SNX24: variants seen among roughly 807,000 people sequenced by gnomAD.
SNX24 encodes the protein sorting nexin 24, also known as sorting nexin-24.
A neutral mutation model predicts 28.7 loss-of-function variants in SNX24; 22 were observed. The ratio of observed to expected loss-of-function variants is 0.77; its 90% CI spans 0.55 to 1.10. The LOEUF (loss-of-function observed/expected upper bound fraction) is 1.10. Among genes scored for constraint, SNX24 ranks in the 50% least tolerant of loss-of-function variants. The pLI is 0.00. For missense variants in SNX24, 221 were observed against 201.1 expected (o/e 1.10, Z -0.60); for synonymous variants, 69 against 71.5 (o/e 0.96, Z 0.18).
chr5:122,956,119 G>T (rs542598935), intron 3 of SNX24, among the ~76,000 whole-genome samples: 1 of 151,632 alleles, frequency 6.6e-6, no homozygotes, highest in Non-Finnish European at 1.5e-5. Context: ...CCAAGTCTGC[G>T]ATATATAAGG....
Position 122,906,732 on chromosome 5 carries a change from C to T in SNX24, c.61-30002C>T, listed in dbSNP as rs553187822. ...CATGTTGGCCAGGCTGGTCTTGAAC[C>T]CCTGACCTCAGGTGATCCGCCCGCC... On this transcript the variant is annotated intron_variant, in intron 1 of 6. Transcript: ENST00000261369. Among the ~76,000 whole-genome samples the T allele has an allele frequency of 4.5e-3, 687 of 152,176 alleles. 5 individuals are homozygous for T. The highest frequency in any genetic ancestry group is 0.015 in the African/African-American group (633 of 41,528).
At chr5:122,932,858 C>CAAAAAAAAAAAAAAAAAAA (rs57930558) in intron 1 of SNX24, among the ~76,000 whole-genome samples, 5 of 88,012 alleles carry the variant, frequency 5.7e-5, no homozygotes, top group Non-Finnish European at 6.5e-5. Flanking sequence ...GACTCTGTCT[C>CAAAAAAAAAAAAAAAAAAA]AAAAAAAAAA....
chr5:122,886,034 C>T (rs890709247), intron 1 of SNX24, among the ~76,000 whole-genome samples: 2 of 152,064 alleles, frequency 1.3e-5, no homozygotes, highest in Admixed American at 1.3e-4. Flanking sequence ...TCCCCGCGGC[C>T]CAGGGGTTGA....
At chr5:122,984,774 T>TA (rs1322562536) in intron 3 of SNX24, among the ~76,000 whole-genome samples, 1 of 152,202 alleles carries the variant, frequency 6.6e-6, no homozygotes, top group Non-Finnish European at 1.5e-5. Context: ...GTGGACTGTG[T>TA]AAAAAAAGTC....
chr5:122,985,801 C>G (rs1032405353), intron 3 of SNX24, among the ~76,000 whole-genome samples: 1 of 152,192 alleles, frequency 6.6e-6, no homozygotes, highest in Non-Finnish European at 1.5e-5. Context: ...CGCTTTCTCA[C>G]TATTTAACCT....
intron 3 of SNX24, among the ~76,000 whole-genome samples, chr5:122,969,905 C>T (rs1760884175): frequency 6.6e-6 from 1 of 152,026 alleles, no homozygotes; most frequent in South Asian, 2.1e-4. Context: ...CACCCACCTA[C>T]CCCTATTCAA....
chr5:122,963,476 A>G (rs900625252), intron 3 of SNX24, among the ~76,000 whole-genome samples: 2 of 152,190 alleles, frequency 1.3e-5, no homozygotes, highest in Non-Finnish European at 2.9e-5. Context: ...TAAAAGGTAG[A>G]TGGTTTTATC....
intron 1 of SNX24, among the ~76,000 whole-genome samples, chr5:122,900,471 A>G (rs1217222858): frequency 1.3e-5 from 2 of 152,186 alleles, no homozygotes; most frequent in Non-Finnish European, 2.9e-5. Flanking sequence ...TGTGGTATAG[A>G]AAACATAACT....
intron 5 of SNX24, chr5:123,023,807 A>ACACACAC (rs1554081579): frequency 3.1e-6 from 4 of 1,294,872 alleles, no homozygotes; most frequent in Admixed American, 2.6e-5. Context: ...AAGACAACAC[A>ACACACAC]ACACACACAC....
rs375826177 is a variant in SNX24 at position 122,944,980 on chromosome 5, A to G, written c.145-1075A>G. On this transcript the variant is annotated intron_variant, in intron 2 of 6. Transcript: ENST00000261369. Reference sequence around the variant, plus strand: ...TAGTTTCCTATTGCTGCTATAACAAATTACCATAAATGTAGTGGCTTAAAA... The same window carrying G: ...TAGTTTCCTATTGCTGCTATAACAAGTTACCATAAATGTAGTGGCTTAAAA... 6.6e-5 allele frequency among the ~76,000 whole-genome samples: 10 copies of G among 152,308 alleles called. No homozygotes were observed. The East Asian group carries it at 7.7e-4, about 12-fold the overall frequency.
chr5:122,967,513 A>T (rs377758507), intron 3 of SNX24, among the ~76,000 whole-genome samples: 21 of 152,298 alleles, frequency 1.4e-4, no homozygotes, highest in South Asian at 8.3e-4. Flanking sequence ...ACCATGTACA[A>T]TGATCCCCTG....
chr5:122,866,812 G>T (rs1043594932), intron 1 of SNX24, among the ~76,000 whole-genome samples: 1 of 152,180 alleles, frequency 6.6e-6, no homozygotes, highest in Non-Finnish European at 1.5e-5. Flanking sequence ...TTGATTTAAA[G>T]ACATGAGCAT....
At position 123,008,169 on chromosome 5, in the gene SNX24, C is replaced by T; in HGVS notation, c.*420C>T. On this transcript the variant is annotated 3_prime_UTR_variant, in exon 7 of 7. Coordinates refer to ENST00000261369, the MANE Select transcript of SNX24 (RefSeq NM_014035.4). Reference sequence around the variant, plus strand: ...TGTTCAGATCTTATGACACACTACTCTTCTCACCGTGAGATTTTCTCAGCC... The same window carrying T: ...TGTTCAGATCTTATGACACACTACTTTTCTCACCGTGAGATTTTCTCAGCC... The T allele has an allele frequency of 1.0e-6, 1 of 988,766 alleles. No homozygotes were observed. The highest frequency in any genetic ancestry group is 1.2e-6 in the Non-Finnish European group (1 of 832,436). The allele number at this position is 988,766 out of a possible 1,614,324, so 61.2% of individuals were successfully genotyped here. A position where few individuals can be genotyped will look rare whatever the true frequency, so the allele number is the denominator to read the frequency against.
intron 1 of SNX24, among the ~76,000 whole-genome samples, chr5:122,874,218 C>A (rs962943579): frequency 6.6e-6 from 1 of 152,144 alleles, no homozygotes; most frequent in African/African-American, 2.4e-5. Context: ...GTTTCCTTAT[C>A]TTAAAAAAGG....
chr5:122,905,945 T>C (rs999757918), intron 1 of SNX24, among the ~76,000 whole-genome samples: 9 of 152,312 alleles, frequency 5.9e-5, no homozygotes, highest in African/African-American at 1.7e-4. Flanking sequence ...GTACCTACTA[T>C]GTGGTAAAGT....
intron 2 of SNX24, among the ~76,000 whole-genome samples, chr5:122,938,242 A>C (rs1759267022): frequency 6.6e-6 from 1 of 152,012 alleles, no homozygotes; most frequent in South Asian, 2.1e-4. Context: ...GCTCTAGTAG[A>C]GTTTATTTTC....
chr5:123,025,140 A>G (rs921444170), intron 5 of SNX24, among the ~76,000 whole-genome samples: 2 of 152,088 alleles, frequency 1.3e-5, no homozygotes, highest in Admixed American at 6.6e-5. Flanking sequence ...CAACTATTTT[A>G]TTTTTAATTC....
Position 123,007,740 on chromosome 5 carries a change from GCCCAGGTAGAAAT to G in SNX24, c.504_*6del. 1.9e-6 allele frequency: 3 copies of G among 1,597,728 alleles called. No homozygotes were observed. The highest frequency in any genetic ancestry group is 2.6e-6 in the Non-Finnish European group (3 of 1,176,078). On this transcript the variant is annotated stop_lost and 3_prime_UTR_variant, in exon 7 of 7. Coordinates refer to ENST00000261369, the MANE Select transcript of SNX24 (RefSeq NM_014035.4). ...ATGGGATATTTTACCCTCATCTACA[GCCCAGGTAGAAAT>G]CCTACATGGCTAAAAGAAGCAGAAG...
intron 5 of SNX24, among the ~76,000 whole-genome samples, chr5:123,020,077 A>AAAAAACTAGATGGCATGTATCGCGT (rs1297150119): frequency 1.8e-4 from 28 of 152,240 alleles, no homozygotes; most frequent in African/African-American, 6.8e-4. Flanking sequence ...CACAGTAGTG[A>AAAAAACTAGATGGCATGTATCGCGT]AAAAACTAGA....
Sources: gnomAD v4.1 joint callset for allele counts (sites outside exome capture counted in the v4.1 genomes callset) on GRCh38, gnomAD v4.1.1 for gene constraint, MANE v1.5 for transcripts, NCBI Gene and HGNC (gene_info 2026-07-23, HGNC 2026-07-21) for gene names.